Variants in CPHXL observed in about 807,000 individuals in gnomAD.
CPHXL encodes cytoplasmic polyadenylated homeobox-like protein.
At chr16:75,723,162 C>T (rs974336901) in intron 1 of CPHXL, among the ~76,000 whole-genome samples, 311 of 152,278 alleles carry the variant, frequency 2.0e-3, no homozygotes, top group Non-Finnish European at 3.5e-3. Context: ...TGGGCAAAAA[C>T]TGGAAGCATT....
chr16:75,726,264 A>G (rs1483379781), intron 1 of CPHXL, among the ~76,000 whole-genome samples, 154 bp downstream of exon 1: 1 of 152,194 alleles, frequency 6.6e-6, no homozygotes, highest in African/African-American at 2.4e-5. Context: ...TCCAACTTCA[A>G]AGTACCCATG....
intron 1 of CPHXL, among the ~76,000 whole-genome samples, chr16:75,719,055 T>A (rs926288840): frequency 6.6e-6 from 1 of 151,578 alleles, no homozygotes; most frequent in Non-Finnish European, 1.5e-5. Context: ...TGAACATTAG[T>A]TAAATTAAAC....
intron 1 of CPHXL, among the ~76,000 whole-genome samples, chr16:75,719,790 C>T (rs776559346): frequency 2.3e-4 from 35 of 152,128 alleles, no homozygotes; most frequent in Non-Finnish European, 4.6e-4. Context: ...GATCTGAGAA[C>T]GGACAGACTG....
chr16:75,726,200 A>C (rs1352930794), intron 1 of CPHXL, among the ~76,000 whole-genome samples: 2 of 152,200 alleles, frequency 1.3e-5, no homozygotes, highest in Non-Finnish European at 2.9e-5. Flanking sequence ...GACTTTAGGT[A>C]GATGATCCTT....
chr16:75,722,755 G>A (rs1959495874), intron 1 of CPHXL, among the ~76,000 whole-genome samples: 1 of 152,118 alleles, frequency 6.6e-6, no homozygotes, highest in African/African-American at 2.4e-5. Flanking sequence ...CATTTTATGA[G>A]GCCAGTATCA....
At position 75,714,220 on chromosome 16, in the gene CPHXL, CAACT is replaced by C. The variant is rs1959357015; in HGVS notation, c.1218_*3del. ...CTGCTGCAGACCCTTGTCCACTCTT[CAACT>C]TAAAGTTGCTGCATTTGGGTCCTGG... On this transcript the variant is annotated stop_retained_variant and 3_prime_UTR_variant, in exon 3 of 3. Coordinates refer to ENST00000640559, the MANE Select transcript of CPHXL (RefSeq NM_001355613.1). 2.5e-6 allele frequency: 1 copy of C among 398,572 alleles called. No homozygotes were observed. The highest frequency in any genetic ancestry group is 4.4e-6 in the Non-Finnish European group (1 of 226,138). 24.7% of individuals were successfully genotyped at this position (398,572 alleles called of 1,614,324 possible).
At chr16:75,719,336 G>T (rs1027967619) in intron 1 of CPHXL, among the ~76,000 whole-genome samples, 1 of 152,200 alleles carries the variant, frequency 6.6e-6, no homozygotes, top group Non-Finnish European at 1.5e-5. Flanking sequence ...CAAGGGGTCA[G>T]GGAATTCCCT....
In CPHXL at chr16:75,715,070, C is replaced by T. The variant is rs1959371334; in HGVS notation, c.372G>A (p.Gln124=). 2 of 398,696 alleles carry T rather than the reference C, an allele frequency of 5.0e-6. No individual in the cohort carries two copies. Among genetic ancestry groups the T allele is most frequent in the Non-Finnish European group, 8.8e-6 (2 of 226,126 alleles). 24.7% of individuals were successfully genotyped at this position (398,696 alleles called of 1,614,324 possible). A position where few individuals can be genotyped will look rare whatever the true frequency, so the allele number is the denominator to read the frequency against. Residue 124 remains glutamine (Q), a synonymous_variant, in exon 3 of 3, where the codon CAG becomes CAA. Transcript: ENST00000640559. ...GAGCCCTCTGGGCACCAGAGAGGCTCTGCTTGGTGGCATAGTTGTGAGCTG... is the reference window on the plus strand; with the variant it reads ...GAGCCCTCTGGGCACCAGAGAGGCTTTGCTTGGTGGCATAGTTGTGAGCTG... ...QAAAHNYATK[Q]SLSGAQRALM... is the part of the protein sequence containing the mutation.
intron 1 of CPHXL, among the ~76,000 whole-genome samples, chr16:75,725,940 A>G (rs1002479677): frequency 6.6e-6 from 1 of 151,928 alleles, no homozygotes; most frequent in Non-Finnish European, 1.5e-5. Flanking sequence ...TACATATTAG[A>G]AAATTATAAT....
At chr16:75,721,580 C>T (rs1376543115) in intron 1 of CPHXL, among the ~76,000 whole-genome samples, 5 of 152,168 alleles carry the variant, frequency 3.3e-5, no homozygotes, top group South Asian at 2.1e-4. Context: ...GCACCCAATA[C>T]AGGAGCACCC....
At position 75,714,540 on chromosome 16, in the gene CPHXL, G is replaced by C. The variant is rs1309957570; in HGVS notation, c.902C>G (p.Ser301Ter). 2.5e-6 allele frequency: 1 copy of C among 398,524 alleles called. No individual in the cohort carries two copies. Among genetic ancestry groups the C allele is most frequent in the African/African-American group, 2.1e-5 (1 of 48,622 alleles). The allele number at this position is 398,524 out of a possible 1,614,324, so 24.7% of individuals were successfully genotyped here. A position where few individuals can be genotyped will look rare whatever the true frequency, so the allele number is the denominator to read the frequency against. The change falls in exon 3 of 3, where the codon TCA (serine) becomes TGA (stop). Residue 301 changes from serine to a stop codon, truncating the protein, a stop_gained. Coordinates refer to ENST00000640559, the MANE Select transcript of CPHXL (RefSeq NM_001355613.1). LOFTEE classifies it low-confidence loss of function (END_TRUNC). ...KDHCLCSFCL[S>*]LLGQQQQNDW... is the part of the protein sequence containing the mutation. ...ATTCTGCTGCTGTTGTCCCAGCAGT[G>C]AGAGACAGAATGAGCAAAGACAATG... is the stretch of plus-strand genomic sequence containing the variant.
In CPHXL at chr16:75,714,245, C is replaced by T. The variant is rs1465464261; in HGVS notation, c.1197G>A (p.Arg399=). The part of the protein sequence containing the change: ...DMQERASEQP[R]TQMQQL Reference sequence around the variant, plus strand: ...CAACTTAAAGTTGCTGCATTTGGGTCCTGGGTTGCTCTGAAGCCCTTTCCT... The same window carrying T: ...CAACTTAAAGTTGCTGCATTTGGGTTCTGGGTTGCTCTGAAGCCCTTTCCT... Residue 399 remains arginine, a synonymous_variant, in exon 3 of 3, where the codon AGG becomes AGA. Transcript: ENST00000640559. 6 of 398,600 alleles carry T rather than the reference C, an allele frequency of 1.5e-5. No homozygotes were observed. The highest frequency in any genetic ancestry group is 2.1e-5 in the African/African-American group (1 of 48,628). The allele number at this position is 398,600 out of a possible 1,614,324, so 24.7% of individuals were successfully genotyped here. A position where few individuals can be genotyped will look rare whatever the true frequency, so the allele number is the denominator to read the frequency against.
rs554885119 is a variant in CPHXL, at chr16:75,717,511, C to A, written c.219+754G>T. Among the ~76,000 whole-genome samples, 18 of 152,312 alleles carry A rather than the reference C, an allele frequency of 1.2e-4. 1 individual carries two copies. In the South Asian group the frequency reaches 3.7e-3, roughly 32 times the overall value. ...CTTTAAACCATCTCTAGATGACTTACAATACCTGATACCTAATATAACACA... is the reference window on the plus strand; with the variant it reads ...CTTTAAACCATCTCTAGATGACTTAAAATACCTGATACCTAATATAACACA... On this transcript the variant is annotated intron_variant, in intron 2 of 2. Transcript: ENST00000640559.
intron 1 of CPHXL, among the ~76,000 whole-genome samples, chr16:75,725,069 G>T (rs1267744486): frequency 2.0e-5 from 3 of 149,996 alleles, no homozygotes; most frequent in African/African-American, 7.3e-5. Flanking sequence ...GGTGGAAATT[G>T]AACAGTGAGA....
At chr16:75,723,125 C>G (rs1959502221) in intron 1 of CPHXL, among the ~76,000 whole-genome samples, 1 of 152,116 alleles carries the variant, frequency 6.6e-6, no homozygotes, top group African/African-American at 2.4e-5. Context: ...CTAATTATGA[C>G]AAACCCACAG....
chr16:75,720,529 G>A (rs1959462025), intron 1 of CPHXL, among the ~76,000 whole-genome samples: 1 of 152,266 alleles, frequency 6.6e-6, no homozygotes, highest in South Asian at 2.1e-4. Flanking sequence ...GGAATGCAAT[G>A]AAGCAAGAAG....
intron 2 of CPHXL, among the ~76,000 whole-genome samples, chr16:75,716,522 G>C (rs1959394991): frequency 6.6e-6 from 1 of 152,232 alleles, no homozygotes; most frequent in South Asian, 2.1e-4. Flanking sequence ...GATGCATAGG[G>C]TGAGATATGG....
chr16:75,714,198 C>T lies in CPHXL; in HGVS notation c.*26G>A. ...GCAGAGTTGCATCCTTGGTTCCCTG[C>T]TGCAGACCCTTGTCCACTCTTCAAC... On this transcript the variant is annotated 3_prime_UTR_variant, in exon 3 of 3. Coordinates refer to ENST00000640559, the MANE Select transcript of CPHXL (RefSeq NM_001355613.1). The T allele has an allele frequency of 5.0e-6, 2 of 398,784 alleles. No individual in the cohort carries two copies. 24.7% of individuals were successfully genotyped at this position (398,784 alleles called of 1,614,324 possible).
intron 1 of CPHXL, among the ~76,000 whole-genome samples, chr16:75,722,938 G>A: frequency 6.6e-6 from 1 of 152,268 alleles, no homozygotes; most frequent in Admixed American, 6.5e-5. Context: ...ATGCAAGGCT[G>A]GTTCAACATA....
Sources: allele counts gnomAD v4.1 joint callset (sites outside exome capture counted in the v4.1 genomes callset), GRCh38; gene constraint gnomAD v4.1.1; transcripts MANE v1.5; gene names NCBI Gene and HGNC (gene_info 2026-07-23, HGNC 2026-07-21).